DNAH9: variants seen among roughly 807,000 people sequenced by gnomAD.
The protein encoded by DNAH9 is dynein axonemal heavy chain 9.
DNAH9 carries 345 observed loss-of-function variants against 471.6 expected under a neutral mutation model. The observed-to-expected ratio is 0.73, with a 90% confidence interval of 0.67 to 0.80. The LOEUF is 0.80. DNAH9 is among the 30% of genes least tolerant of loss of function. The pLI, the probability that DNAH9 is intolerant of heterozygous loss-of-function variation, is 0.00. For synonymous variants in DNAH9, 2,093 were observed against 2,123.6 expected (o/e 0.99, Z 0.40); for missense variants, 5,407 against 5,609.2 (o/e 0.96, Z 1.15).
intron 33 of DNAH9, among the ~76,000 whole-genome samples, chr17:11,755,615 G>T (rs1967349391): frequency 6.6e-6 from 1 of 151,336 alleles, no homozygotes; most frequent in Non-Finnish European, 1.5e-5. Flanking sequence ...TTCCAATATA[G>T]TCTAGTTCAT....
intron 7 of DNAH9, among the ~76,000 whole-genome samples, chr17:11,629,830 A>G (rs1169141948): frequency 6.6e-6 from 1 of 152,216 alleles, no homozygotes; most frequent in Admixed American, 6.5e-5. Flanking sequence ...ACTGCTCCAG[A>G]CTAATGACAC....
At chr17:11,863,891 G>A (rs1178511403) in intron 50 of DNAH9, among the ~76,000 whole-genome samples, 13 of 151,774 alleles carry the variant, frequency 8.6e-5, no homozygotes, top group African/African-American at 2.9e-4. Flanking sequence ...TTTTTATTGC[G>A]TCTATTTGAT....
chr17:11,712,815 G>T (rs1384750475), intron 26 of DNAH9, among the ~76,000 whole-genome samples: 1 of 150,542 alleles, frequency 6.6e-6, no homozygotes, highest in African/African-American at 2.4e-5. Context: ...TGGATATGTT[G>T]CAAATGTGTT....
chr17:11,768,365 C>A (rs368861465), intron 36 of DNAH9, 88 bp from the exon 37 acceptor site: 1 of 1,371,982 alleles, frequency 7.3e-7, no homozygotes, highest in Non-Finnish European at 1.0e-6. Flanking sequence ...GTTGTCCTGC[C>A]CTGACCTTCT....
At chr17:11,694,657 G>GTTTT (rs1567724651) in intron 22 of DNAH9, among the ~76,000 whole-genome samples, 9 of 4,892 alleles carry the variant, frequency 1.8e-3, no homozygotes, top group Admixed American at 4.1e-3. Flanking sequence ...TCGCTTTCTC[G>GTTTT]CTTTCTCGCT....
At chr17:11,791,937 T>C (rs1295814878) in intron 41 of DNAH9, among the ~76,000 whole-genome samples, 2 of 151,964 alleles carry the variant, frequency 1.3e-5, no homozygotes, top group Non-Finnish European at 2.9e-5. Flanking sequence ...CAGAACATAA[T>C]AGGAATTTTG....
At chr17:11,806,957 T>C (rs1185835342) in intron 43 of DNAH9, among the ~76,000 whole-genome samples, 11 of 152,092 alleles carry the variant, frequency 7.2e-5, no homozygotes, top group Non-Finnish European at 1.6e-4. Flanking sequence ...GAGGGTGGCC[T>C]TTGAGGAAGG....
chr17:11,855,923 A>G (rs894306811), intron 50 of DNAH9, among the ~76,000 whole-genome samples: 1 of 152,198 alleles, frequency 6.6e-6, no homozygotes, highest in African/African-American at 2.4e-5. Flanking sequence ...GAATAGACAC[A>G]GTAATAGTAC....
intron 41 of DNAH9, among the ~76,000 whole-genome samples, chr17:11,792,143 G>A (rs1185001910): frequency 9.2e-5 from 14 of 152,136 alleles, no homozygotes; most frequent in South Asian, 2.1e-4. Flanking sequence ...GCATGGTGGC[G>A]CATGCCTGCA....
intron 6 of DNAH9, among the ~76,000 whole-genome samples, chr17:11,624,346 T>C (rs1380944407): frequency 6.6e-6 from 1 of 152,010 alleles, no homozygotes; most frequent in Non-Finnish European, 1.5e-5. Flanking sequence ...CTGTCTCTAC[T>C]AAAAATACAA....
At chr17:11,945,893 C>T (rs1362117961) in intron 67 of DNAH9, among the ~76,000 whole-genome samples, 1 of 151,286 alleles carries the variant, frequency 6.6e-6, no homozygotes, top group Non-Finnish European at 1.5e-5. Flanking sequence ...CCCGTCTCTA[C>T]TAAAAATACA....
chr17:11,842,257 A>G (rs1171847981), intron 49 of DNAH9, among the ~76,000 whole-genome samples: 1 of 152,208 alleles, frequency 6.6e-6, no homozygotes, highest in Admixed American at 6.5e-5. Context: ...GTGAAATACA[A>G]GTAAGTTGAC....
Position 11,742,226 on chromosome 17 carries a change from G to A in DNAH9, c.6024G>A (p.Leu2008=). Reference sequence around the variant, plus strand: ...TTGAATTGATCTGTGAAATCATGCTGGTGGCAGAAGGATTCATTGAAGCCC... The same window carrying A: ...TTGAATTGATCTGTGAAATCATGCTAGTGGCAGAAGGATTCATTGAAGCCC... The part of the protein sequence containing the change: ...PDFELICEIM[L]VAEGFIEAQS... Residue 2008 remains leucine, a synonymous_variant, in exon 30 of 69, where the codon CTG becomes CTA. Coordinates refer to ENST00000262442, the MANE Select transcript of DNAH9 (RefSeq NM_001372.4). 6.2e-7 allele frequency: 1 copy of A among 1,614,006 alleles called. No homozygotes were observed. Among genetic ancestry groups the A allele is most frequent in the Non-Finnish European group, 8.5e-7 (1 of 1,179,888 alleles).
chr17:11,784,433 T>C lies in DNAH9; in HGVS notation c.7955T>C (p.Ile2652Thr), dbSNP rs1968784379. 1 of 1,614,042 alleles carries C rather than the reference T, an allele frequency of 6.2e-7. No homozygotes were observed. The highest frequency in any genetic ancestry group is 1.3e-5 in the African/African-American group (1 of 74,936). Residue 2652 changes from isoleucine (I) to threonine (T), a missense_variant, in exon 41 of 69, where the codon ATC becomes ACC. Physicochemically the swap from Ile to Thr is moderately conservative, Grantham distance 89. Coordinates refer to ENST00000262442, the MANE Select transcript of DNAH9 (RefSeq NM_001372.4). Reference sequence around the variant, plus strand: ...CTGCAGAAATCCATCCCCCCACTGATCGATCTGGCCCTCGCCTTCCACCAG... The same window carrying C: ...CTGCAGAAATCCATCCCCCCACTGACCGATCTGGCCCTCGCCTTCCACCAG... The part of the protein sequence containing the change: ...ASLQKSIPPL[I>T]DLALAFHQKI...
At chr17:11,616,021 T>C (rs1567666269) in intron 4 of DNAH9, among the ~76,000 whole-genome samples, 1 of 152,168 alleles carries the variant, frequency 6.6e-6, no homozygotes, top group Non-Finnish European at 1.5e-5. Context: ...ACAACCTTAT[T>C]TGGGATATAA....
chr17:11,934,530 C>T (rs1479904774), intron 65 of DNAH9, among the ~76,000 whole-genome samples: 1 of 145,562 alleles, frequency 6.9e-6, no homozygotes, highest in Non-Finnish European at 1.5e-5. Context: ...ACTGCAAGCT[C>T]CGCCTCCCGG....
At chr17:11,796,999 A>C (rs1969268057) in intron 42 of DNAH9, among the ~76,000 whole-genome samples, 1 of 152,182 alleles carries the variant, frequency 6.6e-6, no homozygotes, top group Non-Finnish European at 1.5e-5. Context: ...ACAGCCCGAA[A>C]GTGTTGTAAG....
intron 57 of DNAH9, among the ~76,000 whole-genome samples, chr17:11,890,968 T>C (rs1044814448): frequency 6.6e-6 from 1 of 152,246 alleles, no homozygotes; most frequent in African/African-American, 2.4e-5. Context: ...ATTACAGGAA[T>C]GAACCACTGC....
intron 60 of DNAH9, among the ~76,000 whole-genome samples, chr17:11,905,294 T>C (rs1597809741): frequency 6.6e-6 from 1 of 151,022 alleles, no homozygotes; most frequent in Non-Finnish European, 1.5e-5. Context: ...GCAAGGCTGG[T>C]AGATAGCAGG....
Sources: gnomAD v4.1 joint callset for allele counts (sites outside exome capture counted in the v4.1 genomes callset) on GRCh38, gnomAD v4.1.1 for gene constraint, MANE v1.5 for transcripts, NCBI Gene and HGNC (gene_info 2026-07-23, HGNC 2026-07-21) for gene names.